Variants in TRPM7 observed in about 807,000 individuals in gnomAD.
TRPM7 encodes LTRPC ion channel family member 7.
Under a neutral mutation model 229.7 loss-of-function variants are expected in TRPM7, and 134 were observed. The ratio of observed to expected loss-of-function variants is 0.58; its 90% CI spans 0.51 to 0.67. The LOEUF (loss-of-function observed/expected upper bound fraction) is 0.67, where lower values mean the gene tolerates loss of function less well. Among genes scored for constraint, TRPM7 ranks in the 30% least tolerant of loss-of-function variants. The pLI, the probability that TRPM7 is intolerant of heterozygous loss-of-function variation, is 0.00. For missense variants in TRPM7, 1,901 were observed against 2,210.0 expected (o/e 0.86, Z 2.80); for synonymous variants, 699 against 715.2 (o/e 0.98, Z 0.36).
chr15:50,657,634 T>A, intron 3 of TRPM7, 147 bp downstream of exon 3: 2 of 657,382 alleles, frequency 3.0e-6, no homozygotes, highest in Non-Finnish European at 5.1e-6. Context: ...CAGCCTTGAC[T>A]GACCCTTCAC....
chr15:50,608,090 AAAG>A (rs1408776713), intron 19 of TRPM7, among the ~76,000 whole-genome samples: 1 of 151,518 alleles, frequency 6.6e-6, no homozygotes, highest in East Asian at 1.9e-4. Context: ...AAAGAAAAGA[AAAG>A]AAAAAAAGAC....
chr15:50,670,816 A>G (rs991503667), intron 1 of TRPM7, among the ~76,000 whole-genome samples: 11 of 151,786 alleles, frequency 7.2e-5, no homozygotes, highest in African/African-American at 1.9e-4. Flanking sequence ...AAAAGAAAAA[A>G]AAAAAAAAAG....
chr15:50,669,111 G>C (rs1256619186), intron 1 of TRPM7, among the ~76,000 whole-genome samples: 1 of 152,042 alleles, frequency 6.6e-6, no homozygotes, highest in Non-Finnish European at 1.5e-5. Flanking sequence ...AATACATAAA[G>C]GTATTTGAGG....
intron 3 of TRPM7, among the ~76,000 whole-genome samples, chr15:50,655,134 T>TTCAATACATCAGA (rs2061525300): frequency 2.2e-5 from 2 of 90,834 alleles, no homozygotes; most frequent in South Asian, 6.9e-4. Flanking sequence ...AAAAAGTTAA[T>TTCAATACATCAGA]TAAAAAAAAA....
At position 50,618,793 on chromosome 15, in the gene TRPM7, A is replaced by G. The variant is rs2060306131; in HGVS notation, c.1494+952T>C. On this transcript the variant is annotated intron_variant, in intron 13 of 38. Coordinates refer to ENST00000646667, the MANE Select transcript of TRPM7 (RefSeq NM_017672.6). ...CCCCACCCAACCTCCCACCTTTTGT[A>G]AAGTCTCCAATGTCTATCATTCCAC... Among the ~76,000 whole-genome samples, 2 of 151,936 alleles carry G rather than the reference A, an allele frequency of 1.3e-5. 1 individual carries two copies. The highest frequency in any genetic ancestry group is 4.1e-4 in the South Asian group (2 of 4,822).
At chr15:50,623,466 T>C (rs1233455312) in intron 12 of TRPM7, among the ~76,000 whole-genome samples, 2 of 149,344 alleles carry the variant, frequency 1.3e-5, no homozygotes, top group Non-Finnish European at 3.0e-5. Context: ...AGGTAGACAT[T>C]TACCATCTTA....
At chr15:50,572,966 G>A (rs2053960660) in intron 36 of TRPM7, among the ~76,000 whole-genome samples, 1 of 152,172 alleles carries the variant, frequency 6.6e-6, no homozygotes, top group South Asian at 2.1e-4. Flanking sequence ...GAGAAGAGCT[G>A]GCAACTTGCT....
chr15:50,561,906 CT>C (rs1392688047), intron 38 of TRPM7, 98 bp from the exon 39 acceptor site: 7 of 1,244,530 alleles, frequency 5.6e-6, no homozygotes, highest in Non-Finnish European at 7.5e-6. Context: ...CTTTTATTTT[CT>C]TTTCAAGACG....
intron 33 of TRPM7, among the ~76,000 whole-genome samples, 158 bp downstream of exon 33, chr15:50,575,566 C>G (rs1265368172): frequency 6.6e-6 from 1 of 152,218 alleles, no homozygotes. Context: ...TTCCCTTCTT[C>G]TATTCAAACA....
intron 3 of TRPM7, 41 bp downstream of exon 3, chr15:50,657,740 T>C: frequency 6.3e-7 from 1 of 1,581,350 alleles, no homozygotes; most frequent in Non-Finnish European, 8.6e-7. Context: ...TAGTTTTATT[T>C]ATTTTCCGAA....
At chr15:50,657,268 G>A (rs578028133) in intron 3 of TRPM7, among the ~76,000 whole-genome samples, 2 of 152,284 alleles carry the variant, frequency 1.3e-5, no homozygotes, top group South Asian at 2.1e-4. Flanking sequence ...AGGTTGCAGT[G>A]AGCCGAGATT....
intron 6 of TRPM7, 111 bp from the exon 7 acceptor site, chr15:50,637,704 A>G (rs2060948900): frequency 3.2e-6 from 3 of 935,654 alleles, no homozygotes; most frequent in South Asian, 1.9e-5. Flanking sequence ...TCTATTTTAC[A>G]TACAGAAATA....
chr15:50,657,921 C>T (rs2061619372), intron 2 of TRPM7, 102 bp from the exon 3 acceptor site: 2 of 749,052 alleles, frequency 2.7e-6, no homozygotes, highest in Admixed American at 2.9e-5. Flanking sequence ...AATTATATAC[C>T]TAGTTTAATT....
intron 3 of TRPM7, among the ~76,000 whole-genome samples, chr15:50,650,901 G>A (rs2140852645): frequency 6.6e-6 from 1 of 152,276 alleles, no homozygotes; most frequent in African/African-American, 2.4e-5. Context: ...AAAATTCCCA[G>A]ACATTGGCCG....
At chr15:50,623,020 C>G (rs576912985) in intron 12 of TRPM7, among the ~76,000 whole-genome samples, 1 of 152,170 alleles carries the variant, frequency 6.6e-6, no homozygotes, top group Non-Finnish European at 1.5e-5. Flanking sequence ...GGCATTTAAG[C>G]TAAGTCCTAA....
chr15:50,684,954 G>T (rs148796243), intron 1 of TRPM7, among the ~76,000 whole-genome samples: 1 of 152,116 alleles, frequency 6.6e-6, no homozygotes, highest in South Asian at 2.1e-4. Context: ...TTAATTTTTA[G>T]GCATGATAAT....
rs548735356 is a variant in TRPM7 at position 50,560,373 on chromosome 15, CTTT to C, written c.*1302_*1304del. 5 of 152,536 alleles carry C rather than the reference CTTT, an allele frequency of 3.3e-5. No individual in the cohort carries two copies. The South Asian group carries it at 1.0e-3, about 32-fold the overall frequency. The allele number at this position is 152,536 out of a possible 1,614,324, so 9.4% of individuals were successfully genotyped here. Reference sequence around the variant, plus strand: ...GTATATAGTATCTTTAAGTAATACACTTTTTCTTTCTCCCCACCCCCAATCAAT... The same window carrying C: ...GTATATAGTATCTTTAAGTAATACACTTCTTTCTCCCCACCCCCAATCAAT... On this transcript the variant is annotated 3_prime_UTR_variant, in exon 39 of 39. Coordinates refer to ENST00000646667, the MANE Select transcript of TRPM7 (RefSeq NM_017672.6).
chr15:50,621,080 A>T (rs1403921447), intron 12 of TRPM7, among the ~76,000 whole-genome samples: 1 of 140,006 alleles, frequency 7.1e-6, no homozygotes, highest in Non-Finnish European at 1.5e-5. Context: ...AATGCCGTGA[A>T]CCCCTGGGGG....
At chr15:50,635,580 T>A (rs2060872568) in intron 7 of TRPM7, among the ~76,000 whole-genome samples, 1 of 144,424 alleles carries the variant, frequency 6.9e-6, no homozygotes, top group South Asian at 2.2e-4. Context: ...GGAGAATTAC[T>A]TGAACCCGGG....
Sources: gnomAD v4.1 joint callset for allele counts (sites outside exome capture counted in the v4.1 genomes callset) on GRCh38, gnomAD v4.1.1 for gene constraint, MANE v1.5 for transcripts, NCBI Gene and HGNC (gene_info 2026-07-23, HGNC 2026-07-21) for gene names.